ZNF57: variants seen among roughly 807,000 people sequenced by gnomAD.
ZNF57 encodes zinc finger protein 57, also known as zinc finger protein 424.
ZNF57 carries 11 observed loss-of-function variants against 13.4 expected under a neutral mutation model. The observed-to-expected ratio is 0.82, with a 90% CI of 0.52 to 1.36. ZNF57 has a LOEUF of 1.36. Ranked by LOEUF, ZNF57 falls within the 40% of genes most tolerant of loss-of-function variation. The pLI, the probability that ZNF57 is intolerant of heterozygous loss-of-function variation, is 0.00. For missense variants in ZNF57, 696 were observed against 667.5 expected, an observed-to-expected ratio of 1.04 and a Z score of -0.47; for synonymous variants, 224 against 238.5, an observed-to-expected ratio of 0.94 and a Z score of 0.56.
At chr19:2,915,282 C>A (rs982241159) in intron 1 of ZNF57, 1 of 436,142 alleles carries the variant, frequency 2.3e-6, no homozygotes, top group Non-Finnish European at 4.1e-6. Context: ...TTTCTCTAGA[C>A]CCTCCTGGTA....
chr19:2,901,102 C>T (rs2088024937), intron 1 of ZNF57, 54 bp downstream of exon 1: 1 of 1,464,436 alleles, frequency 6.8e-7, no homozygotes, highest in South Asian at 1.2e-5. Context: ...CGGGAACCGG[C>T]TGGAACCAGA....
At chr19:2,906,571 G>A (rs1209120729) in intron 1 of ZNF57, among the ~76,000 whole-genome samples, 1 of 152,156 alleles carries the variant, frequency 6.6e-6, no homozygotes, top group Non-Finnish European at 1.5e-5. Flanking sequence ...CCCCTTTGCC[G>A]AAACCGCCCC....
rs1189860148 is a variant in ZNF57, at chr19:2,901,089, C to G, written c.3+41C>G. 3.3e-6 allele frequency: 5 copies of G among 1,505,564 alleles called. No individual in the cohort carries two copies. The East Asian group carries it at 1.3e-4, about 38-fold the overall frequency. 93.3% of individuals were successfully genotyped at this position (1,505,564 alleles called of 1,614,324 possible). ...GAGCAGAGCCAGGGGACGGTCGGAG[C>G]GACGGGAACCGGCTGGAACCAGAGT... On this transcript the variant is annotated intron_variant, in intron 1 of 3. Coordinates refer to ENST00000306908, the MANE Select transcript of ZNF57 (RefSeq NM_173480.3).
rs1238585156 is a variant in ZNF57 at position 2,917,591 on chromosome 19, C to T, written c.970C>T (p.Arg324Ter). The change falls in exon 4 of 4, where the codon CGA becomes TGA. Residue 324 changes from arginine (R) to a stop codon, truncating the protein, a stop_gained. Transcript: ENST00000306908. LOFTEE classifies it low-confidence loss of function (END_TRUNC). The stretch of plus-strand genomic sequence containing the variant: ...AACATTCAGTTGGTCTGAAACCTTG[C>T]GAGTCCACATGAGGATCCACACTGG... ...GKTFSWSETL[R>*]VHMRIHTGDK... 25 of 1,612,538 alleles carry T rather than the reference C, an allele frequency of 1.6e-5. No homozygotes were observed. Among genetic ancestry groups the T allele is most frequent in the Middle Eastern group, 1.6e-4 (1 of 6,076 alleles).
rs368583453 is a variant in ZNF57 at position 2,917,316 on chromosome 19, C to A, written c.695C>A (p.Ala232Glu). Residue 232 changes from alanine (A) to glutamate (E), a missense_variant, in exon 4 of 4, where the codon GCG becomes GAG. Transcript: ENST00000306908. ...KTYKCEQCRM[A>E]FNGFASFTRH... ...TACAAATGCGAGCAGTGTCGGATGG[C>A]GTTTAATGGGTTCGCAAGCTTCACT... 9 of 1,614,038 alleles carry A rather than the reference C, an allele frequency of 5.6e-6. No homozygotes were observed. In the South Asian group the frequency reaches 8.8e-5, roughly 16 times the overall value.
intron 1 of ZNF57, among the ~76,000 whole-genome samples, chr19:2,912,927 T>C (rs547102481): frequency 6.6e-5 from 10 of 152,342 alleles, no homozygotes; most frequent in African/African-American, 2.4e-4. Flanking sequence ...TTTATTTTTC[T>C]TGGAGAAATG....
chr19:2,901,078 G>A, intron 1 of ZNF57, 30 bp downstream of exon 1: 1 of 1,548,110 alleles, frequency 6.5e-7, no homozygotes, highest in Non-Finnish European at 8.7e-7. Flanking sequence ...AGAGCCAGGG[G>A]ACGGTCGGAG....
chr19:2,904,590 G>A (rs2088057417), intron 1 of ZNF57, among the ~76,000 whole-genome samples: 1 of 152,080 alleles, frequency 6.6e-6, no homozygotes, highest in Non-Finnish European at 1.5e-5. Context: ...GGCCCAGGCT[G>A]GAGTGCAGTG....
At chr19:2,909,283 T>TTTTG (rs1555677930) in intron 1 of ZNF57, among the ~76,000 whole-genome samples, 22 of 116,452 alleles carry the variant, frequency 1.9e-4, no homozygotes, top group East Asian at 4.6e-4. Context: ...TTATTTTTGT[T>TTTTG]TTTTTTTTTT....
intron 1 of ZNF57, among the ~76,000 whole-genome samples, chr19:2,904,004 C>T (rs1426660795): frequency 2.0e-5 from 3 of 152,182 alleles, no homozygotes; most frequent in Non-Finnish European, 2.9e-5. Context: ...CGTGAGCCAC[C>T]GCGCCCGGCC....
intron 3 of ZNF57, 121 bp from the exon 4 acceptor site, chr19:2,916,803 G>A: frequency 1.2e-6 from 1 of 818,152 alleles, no homozygotes; most frequent in Non-Finnish European, 1.8e-6. Flanking sequence ...AAACAATTCA[G>A]AATAGAAAAA....
At chr19:2,901,647 A>T (rs1195263823) in intron 1 of ZNF57, among the ~76,000 whole-genome samples, 1 of 151,716 alleles carries the variant, frequency 6.6e-6, no homozygotes, top group Admixed American at 6.6e-5. Flanking sequence ...CAGCCTCCGG[A>T]GTAGCTGAGA....
chr19:2,904,965 C>T (rs566306170), intron 1 of ZNF57, among the ~76,000 whole-genome samples: 3 of 152,210 alleles, frequency 2.0e-5, no homozygotes, highest in Non-Finnish European at 2.9e-5. Context: ...TGCATTATGC[C>T]GACGATTGAA....
At chr19:2,906,953 G>A (rs968573960) in intron 1 of ZNF57, among the ~76,000 whole-genome samples, 12 of 151,988 alleles carry the variant, frequency 7.9e-5, no homozygotes, top group Admixed American at 5.2e-4. Context: ...AGATCCCCAT[G>A]GCCAATTCAC....
rs2088234686 is a variant in ZNF57 at position 2,918,247 on chromosome 19, T to C, written c.1626T>C (p.Ser542=). 5 of 1,611,922 alleles carry C rather than the reference T, an allele frequency of 3.1e-6. No homozygotes were observed. Among genetic ancestry groups the C allele is most frequent in the South Asian group, 1.1e-5 (1 of 90,816 alleles). The change falls in exon 4 of 4, where the codon AGT becomes AGC. Residue 542 remains serine, a synonymous_variant. Coordinates refer to ENST00000306908, the MANE Select transcript of ZNF57 (RefSeq NM_173480.3). ...GTCAGTCATACTCAAAAGCCTTCAG[T>C]TGCCAAGTCATTCTTTCTAAAACCA... The part of the protein sequence containing the change: ...HECQSYSKAF[S]CQVILSKTSE...
chr19:2,905,614 A>C (rs951980032), intron 1 of ZNF57, among the ~76,000 whole-genome samples: 1 of 151,486 alleles, frequency 6.6e-6, no homozygotes, highest in African/African-American at 2.4e-5. Context: ...AAATACAAAA[A>C]ATTAGCCGGG....
In ZNF57 at chr19:2,915,424, G is replaced by T. The variant is rs2088181857; in HGVS notation, c.4-98G>T. ...ATTCGCGTCATAGAGGAGGTGTTGG[G>T]ACACCACAGAATCTTGTTTGAATTT... is the stretch of plus-strand genomic sequence containing the variant. On this transcript the variant is annotated intron_variant, in intron 1 of 3. Coordinates refer to ENST00000306908, the MANE Select transcript of ZNF57 (RefSeq NM_173480.3). 3.3e-6 allele frequency: 5 copies of T among 1,501,280 alleles called. No individual in the cohort carries two copies. In the East Asian group the frequency reaches 1.2e-4, roughly 35 times the overall value. The allele number at this position is 1,501,280 out of a possible 1,614,324, so 93.0% of individuals were successfully genotyped here.
chr19:2,902,892 G>A (rs1430122382), intron 1 of ZNF57, among the ~76,000 whole-genome samples: 2 of 152,158 alleles, frequency 1.3e-5, no homozygotes, highest in Non-Finnish European at 2.9e-5. Context: ...CTCACTCTAC[G>A]GGATGAGGGT....
Position 2,918,282 on chromosome 19 carries a change from C to A in ZNF57, c.1661C>A (p.Thr554Lys), listed in dbSNP as rs1568185411. 4.4e-6 allele frequency: 7 copies of A among 1,594,588 alleles called. No homozygotes were observed. Among genetic ancestry groups the A allele is most frequent in the African/African-American group, 2.7e-5 (2 of 74,148 alleles). The change falls in exon 4 of 4, where the codon ACA becomes AAA. Residue 554 changes from threonine to lysine, a missense_variant. Thr to Lys is a moderately conservative substitution (Grantham distance 78). Coordinates refer to ENST00000306908, the MANE Select transcript of ZNF57 (RefSeq NM_173480.3). ...ATTCTTTCTAAAACCAGTGAGAGCACACACTAAAGAGAAATTCTATAACTT... is the reference window on the plus strand; with the variant it reads ...ATTCTTTCTAAAACCAGTGAGAGCAAACACTAAAGAGAAATTCTATAACTT... ...QVILSKTSES[T>K]H is the part of the protein sequence containing the mutation.
Sources: allele counts gnomAD v4.1 joint callset (sites outside exome capture counted in the v4.1 genomes callset), GRCh38; gene constraint gnomAD v4.1.1; transcripts MANE v1.5; gene names NCBI Gene and HGNC (gene_info 2026-07-23, HGNC 2026-07-21).